The following ZNF804B variants were observed in gnomAD, a reference collection of about 807,000 sequenced individuals.
ZNF804B encodes the protein zinc finger 804B.
A neutral mutation model predicts 101.4 loss-of-function variants in ZNF804B; 80 were observed. The observed-to-expected ratio is 0.79, with a 90% CI of 0.66 to 0.95. The LOEUF is 0.95. Ranked by LOEUF, ZNF804B falls within the 40% of genes least tolerant of loss-of-function variation. The pLI, the probability that ZNF804B is intolerant of heterozygous loss-of-function variation, is 0.00. For missense variants in ZNF804B, 1,673 were observed against 1,561.9 expected (o/e 1.07, Z -1.20); for synonymous variants, 622 against 558.8 (o/e 1.11, Z -1.59).
chr7:88,872,303 A>C (rs1562818701), intron 1 of ZNF804B, among the ~76,000 whole-genome samples: 1 of 152,008 alleles, frequency 6.6e-6, no homozygotes, highest in Non-Finnish European at 1.5e-5. Flanking sequence ...TGTAATCTGA[A>C]CACCTTGGGA....
At chr7:88,897,555 A>G (rs187404857) in intron 1 of ZNF804B, among the ~76,000 whole-genome samples, 28 of 152,296 alleles carry the variant, frequency 1.8e-4, no homozygotes, top group Admixed American at 1.7e-3. Flanking sequence ...TTACCCTACA[A>G]TAGGAAACTA....
chr7:89,161,401 C>T (rs28584029), intron 1 of ZNF804B, among the ~76,000 whole-genome samples: 60 of 151,990 alleles, frequency 3.9e-4, no homozygotes, highest in African/African-American at 1.4e-3. Flanking sequence ...AACCACTTCC[C>T]CATTGGAATA....
chr7:88,855,817 G>A (rs1457930063), intron 1 of ZNF804B, among the ~76,000 whole-genome samples: 18 of 152,170 alleles, frequency 1.2e-4, no homozygotes, highest in South Asian at 2.1e-4. Context: ...TCAGCTTTCT[G>A]CATATGGCTA....
intron 1 of ZNF804B, among the ~76,000 whole-genome samples, chr7:88,779,095 A>G (rs1296659156): frequency 6.6e-6 from 1 of 152,216 alleles, no homozygotes. Context: ...GGCAAAAAAG[A>G]CTACTAAATG....
At chr7:89,018,122 T>C (rs1298976246) in intron 1 of ZNF804B, among the ~76,000 whole-genome samples, 1 of 152,152 alleles carries the variant, frequency 6.6e-6, no homozygotes, top group Non-Finnish European at 1.5e-5. Context: ...TTTCCGTTTT[T>C]CCCTATACAG....
At chr7:88,866,191 A>G (rs966379466) in intron 1 of ZNF804B, among the ~76,000 whole-genome samples, 3 of 152,090 alleles carry the variant, frequency 2.0e-5, no homozygotes, top group Non-Finnish European at 2.9e-5. Flanking sequence ...TAATTAATAA[A>G]CTCTTGATTT....
chr7:89,130,209 T>C (rs1790528110), intron 1 of ZNF804B, among the ~76,000 whole-genome samples: 1 of 151,866 alleles, frequency 6.6e-6, no homozygotes, highest in African/African-American at 2.4e-5. Flanking sequence ...GCGGGTCCCT[T>C]TATCTTGCAG....
intron 1 of ZNF804B, among the ~76,000 whole-genome samples, chr7:89,010,264 T>C (rs182457307): frequency 6.6e-6 from 1 of 152,308 alleles, no homozygotes; most frequent in African/African-American, 2.4e-5. Context: ...GAGGCATTGC[T>C]ATAGGATTCA....
chr7:89,298,288 G>A (rs1214933610), intron 2 of ZNF804B, among the ~76,000 whole-genome samples: 4 of 126,746 alleles, frequency 3.2e-5, no homozygotes, highest in Non-Finnish European at 6.4e-5. Flanking sequence ...TGTGCAGAAC[G>A]TGCAGGTTTA....
intron 1 of ZNF804B, among the ~76,000 whole-genome samples, chr7:88,937,115 C>CAAAAA (rs3034325): frequency 8.4e-4 from 93 of 110,922 alleles, no homozygotes; most frequent in Middle Eastern, 5.2e-3. Context: ...ATGAGAATAG[C>CAAAAA]AAAAAAAAAA....
intron 1 of ZNF804B, among the ~76,000 whole-genome samples, chr7:88,956,212 G>A (rs1793303776): frequency 6.6e-6 from 1 of 151,500 alleles, no homozygotes; most frequent in African/African-American, 2.4e-5. Flanking sequence ...ACTACCATAT[G>A]ATCCAGCAAT....
intron 1 of ZNF804B, among the ~76,000 whole-genome samples, chr7:89,182,008 C>T (rs1010699067): frequency 1.3e-5 from 2 of 152,184 alleles, no homozygotes; most frequent in Non-Finnish European, 2.9e-5. Flanking sequence ...AACCTGTAAT[C>T]TTTCTGAATT....
chr7:89,244,489 A>G (rs1789414168), intron 2 of ZNF804B, among the ~76,000 whole-genome samples: 1 of 152,114 alleles, frequency 6.6e-6, no homozygotes, highest in Non-Finnish European at 1.5e-5. Context: ...TAAAGTAAAA[A>G]TCCATTGCTG....
intron 1 of ZNF804B, among the ~76,000 whole-genome samples, chr7:89,060,294 A>G (rs1789359897): frequency 6.6e-6 from 1 of 152,174 alleles, no homozygotes; most frequent in Non-Finnish European, 1.5e-5. Flanking sequence ...AAAGCTGAAT[A>G]TCATTTCTTC....
intron 1 of ZNF804B, among the ~76,000 whole-genome samples, chr7:88,782,789 C>T (rs1790249426): frequency 6.6e-6 from 1 of 152,102 alleles, no homozygotes; most frequent in Admixed American, 6.6e-5. Flanking sequence ...TTTCCAGCTC[C>T]TCTGATATGG....
intron 2 of ZNF804B, among the ~76,000 whole-genome samples, chr7:89,281,282 C>G (rs1032328334): frequency 2.0e-5 from 3 of 152,032 alleles, no homozygotes; most frequent in South Asian, 2.1e-4. Context: ...ACCAATAGCT[C>G]TGTATTAATT....
chr7:89,054,039 G>A lies in ZNF804B; in HGVS notation c.109-164116G>A, dbSNP rs139859839. Among the ~76,000 whole-genome samples the A allele has an allele frequency of 2.6e-5, 4 of 151,886 alleles. No individual in the cohort carries two copies. The East Asian group carries it at 7.8e-4, about 29-fold the overall frequency. On this transcript the variant is annotated intron_variant, in intron 1 of 3. Transcript: ENST00000333190. ...TTACATTTTCACAACTATAGCTATG[G>A]TGCCACTTAAAATGTGGTTATTTGT...
intron 1 of ZNF804B, among the ~76,000 whole-genome samples, chr7:88,779,562 G>C (rs900172194): frequency 6.6e-6 from 1 of 152,092 alleles, no homozygotes; most frequent in African/African-American, 2.4e-5. Context: ...AGCCTTTCAC[G>C]TGTTGTCATA....
At chr7:89,225,951 A>G (rs1789081846) in intron 2 of ZNF804B, among the ~76,000 whole-genome samples, 1 of 152,176 alleles carries the variant, frequency 6.6e-6, no homozygotes, top group South Asian at 2.1e-4. Flanking sequence ...AGAGTTCAAG[A>G]GAGACAATAG....
Sources: allele counts gnomAD v4.1 joint callset (sites outside exome capture counted in the v4.1 genomes callset), GRCh38; gene constraint gnomAD v4.1.1; transcripts MANE v1.5; gene names NCBI Gene and HGNC (gene_info 2026-07-23, HGNC 2026-07-21).